Variants in ITGB5 observed in about 807,000 individuals in gnomAD.
ITGB5 encodes integrin beta-5.
In ITGB5, 38 loss-of-function variants were observed where a neutral mutation model predicts 84.8. The observed-to-expected ratio is 0.45, with a 90% CI of 0.35 to 0.59. ITGB5 has a LOEUF of 0.59. Ranked by LOEUF, ITGB5 falls within the 20% of genes least tolerant of loss-of-function variation. ITGB5 has a pLI of 0.01. For missense variants in ITGB5, 905 were observed against 1,034.5 expected, an observed-to-expected ratio of 0.87 and a Z score of 1.72; for synonymous variants, 393 against 414.4, an observed-to-expected ratio of 0.95 and a Z score of 0.63.
upstream of ITGB5, chr3:124,887,739 G>A (rs563652168): frequency 2.4e-4 from 108 of 450,242 alleles, no homozygotes; most frequent in African/African-American, 1.7e-3. Context: ...TAGACTGCGA[G>A]AGGGAGAGCA....
intron 2 of ITGB5, among the ~76,000 whole-genome samples, chr3:124,859,676 T>C (rs2065269553): frequency 1.3e-5 from 2 of 152,210 alleles, no homozygotes; most frequent in Admixed American, 6.5e-5. Context: ...AAACACATAA[T>C]AAAAATGTTC....
intron 10 of ITGB5, among the ~76,000 whole-genome samples, chr3:124,796,054 C>A (rs971648679): frequency 3.3e-5 from 5 of 152,174 alleles, no homozygotes; most frequent in African/African-American, 9.7e-5. Flanking sequence ...GTTCCCCGTC[C>A]CAGGAGGCAA....
intron 10 of ITGB5, 43 bp from the exon 11 acceptor site, chr3:124,773,955 C>A: frequency 6.5e-7 from 1 of 1,536,904 alleles, no homozygotes; most frequent in Non-Finnish European, 9.0e-7. Flanking sequence ...CTCACCTTTA[C>A]ACATGAGCAC....
chr3:124,896,746 TA>T (rs34601718), intron 1 of ITGB5, among the ~76,000 whole-genome samples: 121 of 124,554 alleles, frequency 9.7e-4, no homozygotes, highest in Middle Eastern at 4.4e-3. Flanking sequence ...GACCTTGTCT[TA>T]AAAAAAAAAA....
At chr3:124,857,779 G>A (rs2065239669) in intron 3 of ITGB5, among the ~76,000 whole-genome samples, 1 of 152,064 alleles carries the variant, frequency 6.6e-6, no homozygotes. Flanking sequence ...CAAGACCTGG[G>A]GCTGAATCGA....
chr3:124,866,530 A>G (rs2065392733), intron 2 of ITGB5, among the ~76,000 whole-genome samples: 1 of 152,244 alleles, frequency 6.6e-6, no homozygotes, highest in African/African-American at 2.4e-5. Flanking sequence ...AAGAGTTGAG[A>G]AACTGTAGGC....
intron 5 of ITGB5, among the ~76,000 whole-genome samples, chr3:124,825,015 G>A (rs866099468): frequency 3.3e-5 from 5 of 152,042 alleles, no homozygotes; most frequent in African/African-American, 7.2e-5. Flanking sequence ...TGGCTAACAC[G>A]GTGAAACCCC....
intron 11 of ITGB5, chr3:124,769,978 A>G (rs2150928199): frequency 6.6e-6 from 1 of 152,332 alleles, no homozygotes; most frequent in South Asian, 2.1e-4. Context: ...CTTAACTACA[A>G]CGTTCAATTA....
At chr3:124,833,848 T>C (rs2064891737) in intron 5 of ITGB5, among the ~76,000 whole-genome samples, 1 of 152,202 alleles carries the variant, frequency 6.6e-6, no homozygotes, top group East Asian at 1.9e-4. Context: ...GGGAGTTTAC[T>C]ATCTCAAAGG....
At position 124,868,916 on chromosome 3, in the gene ITGB5, G is replaced by C. The variant is rs529397025; in HGVS notation, c.156+4530C>G. ...AGAGAACCAGCAAGAGCACCGTGCA[G>C]GGAGTGGTGGGAAAGGACACTGATG... On this transcript the variant is annotated intron_variant, in intron 2 of 14. Transcript: ENST00000296181. Among the ~76,000 whole-genome samples, 4 of 152,318 alleles carry C rather than the reference G, an allele frequency of 2.6e-5. No homozygotes were observed. In the East Asian group the frequency reaches 7.7e-4, roughly 29 times the overall value.
chr3:124,844,316 TTAGGA>T (rs1468269855), intron 4 of ITGB5, among the ~76,000 whole-genome samples: 1 of 151,768 alleles, frequency 6.6e-6, no homozygotes, highest in South Asian at 2.1e-4. Flanking sequence ...TCTCAGCACT[TTAGGA>T]GGCTGAGGCA....
chr3:124,828,918 C>T (rs1169809767), intron 5 of ITGB5, among the ~76,000 whole-genome samples: 1 of 152,120 alleles, frequency 6.6e-6, no homozygotes, highest in African/African-American at 2.4e-5. Context: ...TTAATCTTTC[C>T]CTATCTCAGC....
At chr3:124,856,133 TC>T (rs2065219714) in intron 3 of ITGB5, among the ~76,000 whole-genome samples, 1 of 152,044 alleles carries the variant, frequency 6.6e-6, no homozygotes, top group Non-Finnish European at 1.5e-5. Flanking sequence ...CGATCCTCTC[TC>T]CTTGGCCTCC....
At chr3:124,873,169 A>G (rs1934138731) in intron 2 of ITGB5, among the ~76,000 whole-genome samples, 1 of 152,220 alleles carries the variant, frequency 6.6e-6, no homozygotes. Flanking sequence ...TCAGAAAACT[A>G]TAGATGAATC....
chr3:124,820,120 GT>G (rs1180426007), intron 6 of ITGB5, among the ~76,000 whole-genome samples: 1 of 152,116 alleles, frequency 6.6e-6, no homozygotes, highest in African/African-American at 2.4e-5. Context: ...TATCTTGTCT[GT>G]GTCTCCATCC....
intron 2 of ITGB5, among the ~76,000 whole-genome samples, chr3:124,869,548 C>T (rs72974539): frequency 0.023 from 3,550 of 152,216 alleles, 128 homozygotes; most frequent in African/African-American, 0.081. Context: ...GCACTCCAGC[C>T]TGGATGATGA....
At chr3:124,870,677 C>G (rs2169972) in intron 2 of ITGB5, among the ~76,000 whole-genome samples, 23,606 of 146,518 alleles carry the variant, frequency 0.16, 1,925 homozygotes, top group South Asian at 0.23. Flanking sequence ...AGTGAGCCGA[C>G]ATCATGCCAC....
At chr3:124,879,073 T>C (rs116319932) in intron 1 of ITGB5, among the ~76,000 whole-genome samples, 1,969 of 152,296 alleles carry the variant, frequency 0.013, 57 homozygotes, top group African/African-American at 0.043. Context: ...CATCAATCAT[T>C]CAAGGAGCCA....
Position 124,796,608 on chromosome 3 carries a change from G to A in ITGB5, c.1473C>T (p.Pro491=), listed in dbSNP as rs149731521. The A allele has an allele frequency of 2.0e-4, 328 of 1,614,106 alleles. 5 individuals carry two copies. The Admixed American group carries it at 2.8e-3, about 14-fold the overall frequency. Residue 491 remains proline (P), a synonymous_variant, in exon 10 of 15, where the codon CCC becomes CCT. Coordinates refer to ENST00000296181, the MANE Select transcript of ITGB5 (RefSeq NM_002213.5). ...TYVCGLCECS[P]GYLGTRCECQ... ...ACTCGCACCTGGTGCCCAGGTAGCCGGGGCTGCACTCACACAGGCCGCAGA... is the reference window on the plus strand; with the variant it reads ...ACTCGCACCTGGTGCCCAGGTAGCCAGGGCTGCACTCACACAGGCCGCAGA...
Sources: gnomAD v4.1 joint callset for allele counts (sites outside exome capture counted in the v4.1 genomes callset) on GRCh38, gnomAD v4.1.1 for gene constraint, MANE v1.5 for transcripts, NCBI Gene and HGNC (gene_info 2026-07-23, HGNC 2026-07-21) for gene names.